Variants in EYS observed in about 807,000 individuals in gnomAD.
EYS encodes protein eyes shut homolog.
EYS carries 250 observed loss-of-function variants against 282.1 expected under a neutral mutation model. The ratio of observed to expected loss-of-function variants is 0.89; its 90% CI spans 0.80 to 0.98. The LOEUF (loss-of-function observed/expected upper bound fraction) is 0.98. Among genes scored for constraint, EYS ranks in the 50% least tolerant of loss-of-function variants. EYS has a pLI of 0.00. For synonymous variants in EYS, 1,355 were observed against 1,282.9 expected, an observed-to-expected ratio of 1.06 and a Z score of -1.20; for missense variants, 4,016 against 3,709.0, an observed-to-expected ratio of 1.08 and a Z score of -2.15.
At chr6:65,430,521 G>C (rs73741577) in intron 5 of EYS, among the ~76,000 whole-genome samples, 1,691 of 152,276 alleles carry the variant, frequency 0.011, 32 homozygotes, top group African/African-American at 0.038. Flanking sequence ...GAACTAAGCT[G>C]ATACAGTTGA....
At chr6:64,424,411 G>C (rs944728856) in intron 28 of EYS, among the ~76,000 whole-genome samples, 1 of 152,044 alleles carries the variant, frequency 6.6e-6, no homozygotes, top group African/African-American at 2.4e-5. Flanking sequence ...AGGTTATTGT[G>C]AGCATGCAAA....
At chr6:64,075,850 T>A (rs1022791157) in intron 32 of EYS, among the ~76,000 whole-genome samples, 3 of 152,018 alleles carry the variant, frequency 2.0e-5, no homozygotes, top group African/African-American at 7.2e-5. Context: ...AAGTAGAATA[T>A]AATTGTTCTA....
At chr6:64,578,613 GT>G (rs1765961748) in intron 26 of EYS, among the ~76,000 whole-genome samples, 2 of 149,256 alleles carry the variant, frequency 1.3e-5, no homozygotes, top group East Asian at 2.0e-4. Flanking sequence ...GTGTGTGTGT[GT>G]GTGTGTGGTG....
chr6:63,955,302 G>C (rs890525646), intron 35 of EYS, among the ~76,000 whole-genome samples: 1 of 151,872 alleles, frequency 6.6e-6, no homozygotes, highest in Non-Finnish European at 1.5e-5. Flanking sequence ...TTACACTGCC[G>C]GTTTACACTT....
At chr6:64,733,125 A>G (rs1348323672) in intron 22 of EYS, 2 of 152,166 alleles carry the variant, frequency 1.3e-5, no homozygotes, top group Non-Finnish European at 2.9e-5. Flanking sequence ...AACTAACTCT[A>G]CAGGAAAAAG....
At chr6:64,635,791 G>C (rs4510653) in intron 22 of EYS, among the ~76,000 whole-genome samples, 5 of 152,002 alleles carry the variant, frequency 3.3e-5, no homozygotes, top group African/African-American at 9.7e-5. Flanking sequence ...TCTCTTTTTT[G>C]GTTGTGTCTC....
chr6:63,808,739 C>G (rs1329657914), intron 36 of EYS, among the ~76,000 whole-genome samples: 1 of 152,114 alleles, frequency 6.6e-6, no homozygotes, highest in Non-Finnish European at 1.5e-5. Context: ...ATGGATCTGT[C>G]AAATGCTCAG....
At chr6:65,114,315 A>G (rs1775304359) in intron 12 of EYS, among the ~76,000 whole-genome samples, 1 of 136,824 alleles carries the variant, frequency 7.3e-6, no homozygotes, top group Non-Finnish European at 1.5e-5. Flanking sequence ...TTTATAGAAT[A>G]TCATATTTTT....
At chr6:64,094,672 G>A (rs908663476) in intron 31 of EYS, among the ~76,000 whole-genome samples, 1 of 151,954 alleles carries the variant, frequency 6.6e-6, no homozygotes, top group African/African-American at 2.4e-5. Context: ...TCTTGCTAGT[G>A]GTCTATCAAT....
At chr6:64,908,279 C>T (rs77105201) in intron 16 of EYS, among the ~76,000 whole-genome samples, 4,741 of 152,170 alleles carry the variant, frequency 0.031, 133 homozygotes, top group East Asian at 0.13. Context: ...CCACACGGGC[C>T]CCCAGCCTGA....
chr6:63,847,899 G>A (rs1362525185), intron 36 of EYS, among the ~76,000 whole-genome samples: 2 of 152,108 alleles, frequency 1.3e-5, no homozygotes, highest in Non-Finnish European at 2.9e-5. Context: ...TTAAAATGTT[G>A]AAAAGCCATC....
chr6:65,700,839 A>G (rs1368183252), intron 1 of EYS, among the ~76,000 whole-genome samples: 2 of 152,204 alleles, frequency 1.3e-5, no homozygotes, highest in Non-Finnish European at 2.9e-5. Flanking sequence ...CTTGTAAAAT[A>G]TAGTGTGGGT....
At chr6:65,435,420 ATTTAACAATAGATGTCT>A (rs144605714) in intron 5 of EYS, among the ~76,000 whole-genome samples, 28,718 of 151,830 alleles carry the variant, frequency 0.19, 2,990 homozygotes, top group East Asian at 0.31. Flanking sequence ...AATACATATT[ATTTAACAATAGATGTCT>A]TTTTATGGGC....
At chr6:64,420,053 C>T (rs1015182802) in intron 28 of EYS, among the ~76,000 whole-genome samples, 16 of 152,144 alleles carry the variant, frequency 1.1e-4, no homozygotes, top group African/African-American at 3.9e-4. Context: ...CATTTCCATA[C>T]CTGGTGGAGG....
chr6:64,552,832 T>A (rs1765124637), intron 26 of EYS, among the ~76,000 whole-genome samples: 1 of 150,376 alleles, frequency 6.6e-6, no homozygotes, highest in South Asian at 2.1e-4. Flanking sequence ...GACAGGAACA[T>A]CACTTGAACT....
intron 31 of EYS, among the ~76,000 whole-genome samples, chr6:64,221,422 G>A (rs1277604053): frequency 6.6e-6 from 1 of 151,880 alleles, no homozygotes; most frequent in Non-Finnish European, 1.5e-5. Context: ...TATTATCATG[G>A]GATGATACAG....
At chr6:65,093,778 A>G (rs1774642132) in intron 12 of EYS, among the ~76,000 whole-genome samples, 1 of 151,800 alleles carries the variant, frequency 6.6e-6, no homozygotes, top group Non-Finnish European at 1.5e-5. Context: ...GTCCTCACTT[A>G]CAATAATTAC....
chr6:64,995,672 A>C (rs542331149), intron 14 of EYS, among the ~76,000 whole-genome samples: 34 of 152,178 alleles, frequency 2.2e-4, no homozygotes, highest in African/African-American at 7.9e-4. Context: ...CCAGTTAATA[A>C]GATGAGAACT....
At chr6:63,937,793 A>G (rs1736799872) in intron 35 of EYS, among the ~76,000 whole-genome samples, 1 of 152,050 alleles carries the variant, frequency 6.6e-6, no homozygotes, top group Non-Finnish European at 1.5e-5. Context: ...TAATATGAGA[A>G]CTATGCTGGA....
Sources: allele counts gnomAD v4.1 joint callset (sites outside exome capture counted in the v4.1 genomes callset), GRCh38; gene constraint gnomAD v4.1.1; transcripts MANE v1.5; gene names NCBI Gene and HGNC (gene_info 2026-07-23, HGNC 2026-07-21).